PSD3: variants seen among roughly 807,000 people sequenced by gnomAD.
The protein encoded by PSD3 is pleckstrin and Sec7 domain containing 3, also known as PH and SEC7 domain-containing protein 3.
A neutral mutation model predicts 105.5 loss-of-function variants in PSD3; 49 were observed. The ratio of observed to expected loss-of-function variants is 0.46; its 90% CI spans 0.37 to 0.59. PSD3 has a LOEUF of 0.59. PSD3 is among the 20% of genes least tolerant of loss of function. The pLI is 0.00. For synonymous variants in PSD3, 557 were observed against 457.8 expected (o/e 1.22, Z -2.77); for missense variants, 1,561 against 1,263.8 (o/e 1.24, Z -3.57).
At chr8:18,820,327 A>G (rs944798942) in intron 4 of PSD3, among the ~76,000 whole-genome samples, 5 of 152,006 alleles carry the variant, frequency 3.3e-5, no homozygotes, top group African/African-American at 7.2e-5. Flanking sequence ...TTATCTCCCA[A>G]TCAATAGTAT....
At chr8:18,793,948 C>CATTAAATTTTTAAAATAATTT (rs1809992597) in intron 8 of PSD3, among the ~76,000 whole-genome samples, 4 of 99,534 alleles carry the variant, frequency 4.0e-5, no homozygotes, top group Admixed American at 1.0e-4. Flanking sequence ...CAATATGAAG[C>CATTAAATTTTTAAAATAATTT]TGTGGGGAAA....
chr8:18,559,702 A>C (rs1384870048), intron 14 of PSD3, among the ~76,000 whole-genome samples: 1 of 152,180 alleles, frequency 6.6e-6, no homozygotes, highest in Non-Finnish European at 1.5e-5. Flanking sequence ...CTTTAGATTT[A>C]GGCTTTCCAA....
At chr8:18,536,705 G>A (rs1310480395) in intron 15 of PSD3, among the ~76,000 whole-genome samples, 2 of 151,850 alleles carry the variant, frequency 1.3e-5, no homozygotes, top group South Asian at 2.1e-4. Flanking sequence ...TGATTCCTCC[G>A]TCTCTTGGAT....
chr8:18,893,407 G>A (rs1818938238), intron 2 of PSD3, among the ~76,000 whole-genome samples: 1 of 152,210 alleles, frequency 6.6e-6, no homozygotes, highest in Non-Finnish European at 1.5e-5. Context: ...CCAGCCAGAA[G>A]GGCTCGATAA....
intron 15 of PSD3, among the ~76,000 whole-genome samples, chr8:18,549,504 TG>T (rs1800642345): frequency 1.3e-5 from 2 of 152,182 alleles, no homozygotes. Flanking sequence ...CCACCACGCC[TG>T]GCCCTATTCT....
intron 2 of PSD3, among the ~76,000 whole-genome samples, chr8:18,901,455 T>C (rs912601767): frequency 3.9e-5 from 6 of 152,196 alleles, no homozygotes; most frequent in East Asian, 3.8e-4. Context: ...GAACACACTC[T>C]TGTTATTTTG....
intron 11 of PSD3, among the ~76,000 whole-genome samples, chr8:18,614,046 T>C (rs1182794884): frequency 6.6e-6 from 1 of 152,224 alleles, no homozygotes; most frequent in Admixed American, 6.5e-5. Context: ...GAATTATAAT[T>C]CCTAAGGGCC....
intron 2 of PSD3, among the ~76,000 whole-genome samples, chr8:18,896,788 ATTT>A (rs1367670210): frequency 6.6e-6 from 1 of 151,096 alleles, no homozygotes; most frequent in East Asian, 2.0e-4. Flanking sequence ...TCCCACTAGC[ATTT>A]TTTTATGTTT....
chr8:18,870,049 A>T (rs954869697), intron 3 of PSD3, among the ~76,000 whole-genome samples: 5 of 152,284 alleles, frequency 3.3e-5, no homozygotes, highest in African/African-American at 1.2e-4. Flanking sequence ...CACATGCCAC[A>T]TATCAAGGCC....
At position 18,678,493 on chromosome 8, in the gene PSD3, C is replaced by T. The variant is rs542571906; in HGVS notation, c.2173-22808G>A. Among the ~76,000 whole-genome samples, 12 of 152,364 alleles carry T rather than the reference C, an allele frequency of 7.9e-5. No homozygotes were observed. In the East Asian group the frequency reaches 1.7e-3, roughly 22 times the overall value. Reference sequence around the variant, plus strand: ...TCCAGCCAATCAAAACTGTTCTCTTCGCCTTGCTTCTGCAAATACTACATA... The same window carrying T: ...TCCAGCCAATCAAAACTGTTCTCTTTGCCTTGCTTCTGCAAATACTACATA... On this transcript the variant is annotated intron_variant, in intron 9 of 15. Transcript: ENST00000327040.
chr8:18,825,814 C>T (rs1253867495), intron 4 of PSD3, among the ~76,000 whole-genome samples: 3 of 152,140 alleles, frequency 2.0e-5, no homozygotes, highest in African/African-American at 7.2e-5. Context: ...TCTATGTAGT[C>T]GATTCACAGT....
chr8:18,796,574 C>A (rs930009181), intron 8 of PSD3, among the ~76,000 whole-genome samples: 1 of 152,084 alleles, frequency 6.6e-6, no homozygotes, highest in African/African-American at 2.4e-5. Flanking sequence ...CAGGCCAAAC[C>A]AAGGCCCATA....
Position 18,778,892 on chromosome 8 carries a change from G to A in PSD3, c.2083-13354C>T, listed in dbSNP as rs117611403. ...GCTGAGGAATTTTGCATCTAAGTTC[G>A]TCAGGAATACTGGCCTATAGTGTTT... On this transcript the variant is annotated intron_variant, in intron 8 of 15. Transcript: ENST00000327040. Among the ~76,000 whole-genome samples, 622 of 152,014 alleles carry A rather than the reference G, an allele frequency of 4.1e-3. 9 individuals carry two copies. The East Asian group carries it at 0.051, about 12-fold the overall frequency.
chr8:18,700,796 G>A (rs2129416633), intron 9 of PSD3, among the ~76,000 whole-genome samples: 1 of 152,046 alleles, frequency 6.6e-6, no homozygotes, highest in Middle Eastern at 3.4e-3. Context: ...AAGGATGCAG[G>A]ACTAAGATTC....
intron 12 of PSD3, among the ~76,000 whole-genome samples, chr8:18,593,302 G>A (rs76383206): frequency 0.43 from 65,859 of 151,896 alleles, 14,328 homozygotes; most frequent in South Asian, 0.56. Context: ...CCCCATCAAA[G>A]AGTGGGTGAA....
chr8:18,802,335 C>T (rs748941661), intron 6 of PSD3: 33 of 431,344 alleles, frequency 7.7e-5, no homozygotes, highest in Non-Finnish European at 1.4e-4. Context: ...CCTCACTTGA[C>T]AATGTAGATT....
chr8:18,783,092 G>T (rs1387550320), intron 8 of PSD3, among the ~76,000 whole-genome samples: 1 of 152,054 alleles, frequency 6.6e-6, no homozygotes, highest in Non-Finnish European at 1.5e-5. Context: ...TTTAAATGTC[G>T]ATGCAATTCA....
At chr8:19,036,055 A>G (rs182676602) in intron 1 of PSD3, among the ~76,000 whole-genome samples, 3 of 151,660 alleles carry the variant, frequency 2.0e-5, no homozygotes, top group Non-Finnish European at 4.4e-5. Context: ...ATGCCCAGCC[A>G]AAAAAAATAT....
chr8:18,793,897 G>A (rs975481821), intron 8 of PSD3, among the ~76,000 whole-genome samples: 1 of 152,108 alleles, frequency 6.6e-6, no homozygotes, highest in African/African-American at 2.4e-5. Flanking sequence ...CAATATCATG[G>A]AAGTCTGTGA....
Sources: gnomAD v4.1 joint callset for allele counts (sites outside exome capture counted in the v4.1 genomes callset) on GRCh38, gnomAD v4.1.1 for gene constraint, MANE v1.5 for transcripts, NCBI Gene and HGNC (gene_info 2026-07-23, HGNC 2026-07-21) for gene names.